SMARCD1: variants seen among roughly 807,000 people sequenced by gnomAD.
SMARCD1 encodes SWI/SNF-related matrix-associated actin-dependent regulator of chromatin subfamily D member 1.
Under a neutral mutation model 70.8 loss-of-function variants are expected in SMARCD1, and 16 were observed. That is an observed-to-expected ratio of 0.23 (90% CI 0.15 to 0.34). The LOEUF is 0.34. Among genes scored for constraint, SMARCD1 ranks in the 10% least tolerant of loss-of-function variants. The pLI, the probability that SMARCD1 is intolerant of heterozygous loss-of-function variation, is 1.00. For synonymous variants in SMARCD1, 249 were observed against 246.0 expected (o/e 1.01, Z -0.11); for missense variants, 409 against 655.5 (o/e 0.62, Z 4.11).
rs148076461 is a variant in SMARCD1, at chr12:50,086,781, A to C, written c.434A>C (p.Gln145Pro). The change falls in exon 4 of 13, where the codon CAG (glutamine) becomes CCG (proline). Residue 145 changes from glutamine (Q) to proline (P), a missense_variant. This residue lies in a region of SMARCD1 where 269 missense variants were observed against 498.6 expected (regional missense o/e 0.54). Transcript: ENST00000394963. Reference protein sequence around the residue: ...QRIRELVPESQAYMDLLAFER... With the variant: ...QRIRELVPESPAYMDLLAFER... ...ATTCGTGAACTGGTACCAGAATCCC[A>C]GGCCTATATGGATCTCTTGGCTTTT... is the stretch of plus-strand genomic sequence containing the variant. 4 of 1,614,022 alleles carry C rather than the reference A, an allele frequency of 2.5e-6. No homozygotes were observed. Among genetic ancestry groups the C allele is most frequent in the Non-Finnish European group, 3.4e-6 (4 of 1,179,992 alleles).
chr12:50,094,043 G>A (rs1191105731), intron 9 of SMARCD1, among the ~76,000 whole-genome samples: 2 of 152,142 alleles, frequency 1.3e-5, no homozygotes, highest in Non-Finnish European at 2.9e-5. Flanking sequence ...AAGCCACCAC[G>A]CCTGGCTGCC....
chr12:50,089,810 C>T (rs1950824711), intron 6 of SMARCD1, 74 bp from the exon 7 acceptor site: 5 of 1,040,952 alleles, frequency 4.8e-6, no homozygotes, highest in Non-Finnish European at 7.4e-6. Flanking sequence ...AATATTCAGT[C>T]ATTACAGAAG....
chr12:50,099,061 G>T lies in SMARCD1; in HGVS notation c.*61G>T. The T allele has an allele frequency of 6.6e-7, 1 of 1,509,502 alleles. No individual in the cohort carries two copies. The highest frequency in any genetic ancestry group is 2.3e-5 in the East Asian group (1 of 44,394). 93.5% of individuals were successfully genotyped at this position (1,509,502 alleles called of 1,614,324 possible). On this transcript the variant is annotated 3_prime_UTR_variant, in exon 13 of 13. Coordinates refer to ENST00000394963, the MANE Select transcript of SMARCD1 (RefSeq NM_003076.5). ...TCTTGATTTGGGCCCTGTGCTGCCT[G>T]CCTCATAGTATCTGCCTTGGTCTTG... is the stretch of plus-strand genomic sequence containing the variant.
rs770564651 is a variant in SMARCD1, at chr12:50,094,418, C to T, written c.1134-19C>T. ...TAGGGGACAAGCTCTTTACCAGGCTCCTTTGGTTTCCTGTCCAGTGTTGAC... is the reference window on the plus strand; with the variant it reads ...TAGGGGACAAGCTCTTTACCAGGCTTCTTTGGTTTCCTGTCCAGTGTTGAC... On this transcript the variant is annotated intron_variant, in intron 9 of 12. Coordinates refer to ENST00000394963, the MANE Select transcript of SMARCD1 (RefSeq NM_003076.5). 3.1e-6 allele frequency: 5 copies of T among 1,610,964 alleles called. No homozygotes were observed. The African/African-American group carries it at 4.0e-5, about 13-fold the overall frequency.
At chr12:50,095,627 C>T (rs927655449) in intron 10 of SMARCD1, among the ~76,000 whole-genome samples, 1 of 151,962 alleles carries the variant, frequency 6.6e-6, no homozygotes, top group Non-Finnish European at 1.5e-5. Flanking sequence ...GCGCCCGGCC[C>T]CAACTAAATC....
At chr12:50,097,211 G>A (rs1424778603) in intron 11 of SMARCD1, among the ~76,000 whole-genome samples, 1 of 152,238 alleles carries the variant, frequency 6.6e-6, no homozygotes, top group East Asian at 1.9e-4. Flanking sequence ...CAGAGTGGAA[G>A]ACCTGATCTC....
At chr12:50,093,095 G>T (rs1315018160) in intron 9 of SMARCD1, among the ~76,000 whole-genome samples, 1 of 151,800 alleles carries the variant, frequency 6.6e-6, no homozygotes, top group East Asian at 2.0e-4. Context: ...AGAATCACTT[G>T]AACCGGGGAG....
At chr12:50,088,964 A>C (rs567718289) in intron 6 of SMARCD1, 1 of 171,790 alleles carries the variant, frequency 5.8e-6, no homozygotes, top group East Asian at 1.5e-4. Context: ...GGTGAGATGT[A>C]GTTATCCATT....
rs199882734 is a variant in SMARCD1 at position 50,090,032 on chromosome 12, C to T, written c.873+47C>T. ...GGGTCCAGCTTTCACAGCCACATACCGTCAGCAGTCTCACTTTAAAGAGTT... is the reference window on the plus strand; with the variant it reads ...GGGTCCAGCTTTCACAGCCACATACTGTCAGCAGTCTCACTTTAAAGAGTT... On this transcript the variant is annotated intron_variant, in intron 7 of 12. Coordinates refer to ENST00000394963, the MANE Select transcript of SMARCD1 (RefSeq NM_003076.5). 1.1e-4 allele frequency: 155 copies of T among 1,475,752 alleles called. 2 individuals are homozygous for T. In the African/African-American group the frequency reaches 1.9e-3, roughly 18 times the overall value. 91.4% of individuals were successfully genotyped at this position (1,475,752 alleles called of 1,614,324 possible).
In SMARCD1 at chr12:50,086,120, A is replaced by AG. The variant is rs769228743; in HGVS notation, c.178-39dup. 2.1e-6 allele frequency: 3 copies of AG among 1,403,090 alleles called. No homozygotes were observed. The East Asian group carries it at 7.1e-5, about 33-fold the overall frequency. The allele number at this position is 1,403,090 out of a possible 1,614,324, so 86.9% of individuals were successfully genotyped here. Reference sequence around the variant, plus strand: ...CTTTTCTTTCTTGATGGGGTTTAGCAGGTGAAACCATGACATCTCTGGGTC... The same window carrying AG: ...CTTTTCTTTCTTGATGGGGTTTAGCAGGGTGAAACCATGACATCTCTGGGTC... On this transcript the variant is annotated intron_variant, in intron 1 of 12. Coordinates refer to ENST00000394963, the MANE Select transcript of SMARCD1 (RefSeq NM_003076.5).
Position 50,085,521 on chromosome 12 carries a change from C to G in SMARCD1, c.152C>G (p.Ser51Cys). 1 of 1,236,130 alleles carries G rather than the reference C, an allele frequency of 8.1e-7. No homozygotes were observed. Among genetic ancestry groups the G allele is most frequent in the Non-Finnish European group, 1.0e-6 (1 of 989,592 alleles). 76.6% of individuals were successfully genotyped at this position (1,236,130 alleles called of 1,614,324 possible). A position where few individuals can be genotyped will look rare whatever the true frequency, so the allele number is the denominator to read the frequency against. Residue 51 changes from serine to cysteine, a missense_variant, in exon 1 of 13, where the codon TCC (serine) becomes TGC (cysteine). Ser to Cys is a moderately radical substitution (Grantham distance 112). Transcript: ENST00000394963. The part of the protein sequence containing the change: ...GPAPGQGLYR[S>C]PMPGAAYPRP... The stretch of plus-strand genomic sequence containing the variant: ...GCTCCGGGTCAAGGGCTGTACCGCT[C>G]CCCGATGCCCGGAGCGGCCTATCCG...
chr12:50,087,217 TA>T, intron 4 of SMARCD1, 145 bp from the exon 5 acceptor site: 3 of 973,710 alleles, frequency 3.1e-6, no homozygotes, highest in Non-Finnish European at 4.6e-6. Flanking sequence ...ACTCCTCTTC[TA>T]AATGGAATCT....
At chr12:50,096,753 G>T in intron 10 of SMARCD1, 97 bp from the exon 11 acceptor site, 1 of 1,142,570 alleles carries the variant, frequency 8.8e-7, no homozygotes, top group South Asian at 1.4e-5. Flanking sequence ...ATGGTGACTA[G>T]GTTGGAAGTG....
intron 10 of SMARCD1, among the ~76,000 whole-genome samples, chr12:50,095,552 C>G (rs1950885345): frequency 6.6e-6 from 1 of 152,142 alleles, no homozygotes; most frequent in Non-Finnish European, 1.5e-5. Context: ...GTCTTGAACT[C>G]CTGACCTCAG....
chr12:50,090,728 C>T (rs921582179), intron 9 of SMARCD1, 138 bp downstream of exon 9: 23 of 516,726 alleles, frequency 4.5e-5, no homozygotes, highest in African/African-American at 4.1e-4. Flanking sequence ...AATTAAATTA[C>T]ATAAACTTAT....
At chr12:50,086,065 A>T in intron 1 of SMARCD1, 96 bp from the exon 2 acceptor site, 1 of 931,176 alleles carries the variant, frequency 1.1e-6, no homozygotes, top group Non-Finnish European at 1.6e-6. Context: ...CCTAAACCTT[A>T]CTTCATTCAA....
At position 50,085,500 on chromosome 12, in the gene SMARCD1, C is replaced by T. The variant is rs976962586; in HGVS notation, c.131C>T (p.Pro44Leu). Reference sequence around the variant, plus strand: ...CCTCCTGTGCGAATGGGCCCGGCTCCGGGTCAAGGGCTGTACCGCTCCCCG... The same window carrying T: ...CCTCCTGTGCGAATGGGCCCGGCTCTGGGTCAAGGGCTGTACCGCTCCCCG... ...PGPPVRMGPA[P>L]GQGLYRSPMP... The change falls in exon 1 of 13, where the codon CCG (proline) becomes CTG (leucine). Residue 44 changes from proline (P) to leucine (L), a missense_variant. Around this residue, in one of 2 missense-constraint regions of SMARCD1, gnomAD observed 140 missense variants for 156.9 expected, o/e 0.89. Transcript: ENST00000394963. 7 of 1,239,058 alleles carry T rather than the reference C, an allele frequency of 5.6e-6. No homozygotes were observed. Among genetic ancestry groups the T allele is most frequent in the Non-Finnish European group, 7.1e-6 (7 of 991,368 alleles). The allele number at this position is 1,239,058 out of a possible 1,614,324, so 76.8% of individuals were successfully genotyped here. A position where few individuals can be genotyped will look rare whatever the true frequency, so the allele number is the denominator to read the frequency against.
At chr12:50,087,610 A>G (rs1950803090) in intron 5 of SMARCD1, 125 bp downstream of exon 5, 1 of 1,148,652 alleles carries the variant, frequency 8.7e-7, no homozygotes, top group African/African-American at 1.6e-5. Flanking sequence ...AAGGAGAGGG[A>G]CACTGTTCCC....
In SMARCD1 at chr12:50,085,476, C is replaced by T. The variant is rs1161194005; in HGVS notation, c.107C>T (p.Pro36Leu). The T allele has an allele frequency of 4.8e-6, 6 of 1,239,446 alleles. No homozygotes were observed. In the East Asian group the frequency reaches 9.4e-5, roughly 19 times the overall value. 76.8% of individuals were successfully genotyped at this position (1,239,446 alleles called of 1,614,324 possible). ...AALGPGGTPGPPVRMGPAPGQ... is the reference protein window; with the variant it reads ...AALGPGGTPGLPVRMGPAPGQ... ...TTGGGCCCGGGCGGAACTCCGGGGC[C>T]TCCTGTGCGAATGGGCCCGGCTCCG... Residue 36 changes from proline to leucine, a missense_variant, in exon 1 of 13, where the codon CCT (proline) becomes CTT (leucine). By Grantham distance (98) the Pro-to-Leu change is moderately conservative. This residue lies in a region of SMARCD1 where 140 missense variants were observed against 156.9 expected (regional missense o/e 0.89). Transcript: ENST00000394963.
Sources: allele counts gnomAD v4.1 joint callset (sites outside exome capture counted in the v4.1 genomes callset), GRCh38; gene constraint gnomAD v4.1.1; regional missense constraint gnomAD v4.1.1; transcripts MANE v1.5; gene names NCBI Gene and HGNC (gene_info 2026-07-23, HGNC 2026-07-21).